The following TRPS1 variants were observed in gnomAD, a reference collection of about 807,000 sequenced individuals.
TRPS1 encodes zinc finger transcription factor Trps1.
Under a neutral mutation model 101.2 loss-of-function variants are expected in TRPS1, and 6 were observed. The ratio of observed to expected loss-of-function variants is 0.06; its 90% CI spans 0.03 to 0.12. The LOEUF (loss-of-function observed/expected upper bound fraction) is 0.12. Among genes scored for constraint, TRPS1 ranks in the 10% least tolerant of loss-of-function variants. The pLI is 1.00. For missense variants in TRPS1, 1,363 were observed against 1,567.0 expected, an observed-to-expected ratio of 0.87 and a Z score of 2.20; for synonymous variants, 578 against 589.8, an observed-to-expected ratio of 0.98 and a Z score of 0.29.
Position 115,621,785 on chromosome 8 carries a change from G to A in TRPS1, c.38-1725C>T, listed in dbSNP as rs990936852. Reference sequence around the variant, plus strand: ...ACAAAAATTAGCTGGGTGTGGTGGTGCATGCCTGTAATCCCAGCTACTAGG... The same window carrying A: ...ACAAAAATTAGCTGGGTGTGGTGGTACATGCCTGTAATCCCAGCTACTAGG... On this transcript the variant is annotated intron_variant, in intron 2 of 6. Coordinates refer to ENST00000395715, the MANE Select transcript of TRPS1 (RefSeq NM_014112.5). 1.5e-4 allele frequency among the ~76,000 whole-genome samples: 23 copies of A among 151,760 alleles called. 1 individual carries two copies. The highest frequency in any genetic ancestry group is 8.3e-4 in the South Asian group (4 of 4,798).
At chr8:115,471,323 A>G (rs1814463323) in intron 5 of TRPS1, among the ~76,000 whole-genome samples, 2 of 152,140 alleles carry the variant, frequency 1.3e-5, no homozygotes, top group Non-Finnish European at 2.9e-5. Flanking sequence ...TGATGCCAGG[A>G]AGGAGAAGTG....
At chr8:115,599,732 A>C (rs1586443862) in intron 4 of TRPS1, among the ~76,000 whole-genome samples, 3 of 152,002 alleles carry the variant, frequency 2.0e-5, no homozygotes, top group Non-Finnish European at 4.4e-5. Context: ...TCTTTATCCA[A>C]TCTATCATTG....
chr8:115,527,776 A>G (rs1473689779), intron 5 of TRPS1, among the ~76,000 whole-genome samples: 1 of 152,124 alleles, frequency 6.6e-6, no homozygotes, highest in Admixed American at 6.6e-5. Context: ...ATTAATAAAA[A>G]GAAGCCATTC....
At chr8:115,516,201 T>C (rs1255741823) in intron 5 of TRPS1, among the ~76,000 whole-genome samples, 1 of 151,408 alleles carries the variant, frequency 6.6e-6, no homozygotes, top group African/African-American at 2.4e-5. Flanking sequence ...TTTTAAAAGA[T>C]ATCTAATTAC....
chr8:115,665,364 C>T (rs1175993044), intron 1 of TRPS1, among the ~76,000 whole-genome samples: 1 of 152,150 alleles, frequency 6.6e-6, no homozygotes, highest in African/African-American at 2.4e-5. Context: ...TACACACATA[C>T]ACATATACAT....
rs1812724691 is a variant in TRPS1 at position 115,409,184 on chromosome 8, C to T, written c.*4839G>A. ...ATTATTATTAATAATATTATTAATA[C>T]ATATATTTTTCAATTTTACAGCTGA... On this transcript the variant is annotated 3_prime_UTR_variant, in exon 7 of 7. Transcript: ENST00000395715. 1.6e-5 allele frequency: 2 copies of T among 128,118 alleles called. No homozygotes were observed. Among genetic ancestry groups the T allele is most frequent in the South Asian group, 5.1e-4 (2 of 3,886 alleles). 7.9% of individuals were successfully genotyped at this position (128,118 alleles called of 1,614,324 possible). A position where few individuals can be genotyped will look rare whatever the true frequency, so the allele number is the denominator to read the frequency against.
Position 115,414,984 on chromosome 8 carries a change from T to C in TRPS1, c.2924A>G (p.Gln975Arg). ...RLNPEALQAEQLNKQQRGSNE... is the reference protein window; with the variant it reads ...RLNPEALQAERLNKQQRGSNE... ...GCTGCCCCTCTGCTGTTTGTTGAGC[T>C]GCTCAGCCTGAAGTGCCTCTGGGTT... Residue 975 changes from glutamine (Q) to arginine (R), a missense_variant, in exon 7 of 7, where the codon CAG becomes CGG. Coordinates refer to ENST00000395715, the MANE Select transcript of TRPS1 (RefSeq NM_014112.5). The surrounding 1 kb of genome is among the most constrained non-coding windows in gnomAD (Gnocchi z 4.8). The C allele has an allele frequency of 6.3e-7, 1 of 1,578,272 alleles. No homozygotes were observed. The highest frequency in any genetic ancestry group is 8.6e-7 in the Non-Finnish European group (1 of 1,166,282).
intron 1 of TRPS1, 116 bp downstream of exon 1, chr8:115,668,429 A>G (rs1177485364): frequency 7.8e-6 from 1 of 128,934 alleles, no homozygotes; most frequent in Non-Finnish European, 1.6e-5. Context: ...TTGCGCGCAC[A>G]CGAGCGGGCG....
chr8:115,442,655 T>C lies in TRPS1; in HGVS notation c.2701-24203A>G, dbSNP rs151070045. Reference sequence around the variant, plus strand: ...TAGTGCAAAATGAGAATTTAAGTTATCAACATTTAAAAATTGGGTGATTTG... The same window carrying C: ...TAGTGCAAAATGAGAATTTAAGTTACCAACATTTAAAAATTGGGTGATTTG... On this transcript the variant is annotated intron_variant, in intron 5 of 6. Coordinates refer to ENST00000395715, the MANE Select transcript of TRPS1 (RefSeq NM_014112.5). Among the ~76,000 whole-genome samples, 5 of 151,922 alleles carry C rather than the reference T, an allele frequency of 3.3e-5. No individual in the cohort carries two copies. The South Asian group carries it at 6.3e-4, about 19-fold the overall frequency.
At chr8:115,591,194 C>G (rs1160450557) in intron 4 of TRPS1, among the ~76,000 whole-genome samples, 6 of 152,084 alleles carry the variant, frequency 3.9e-5, no homozygotes, top group African/African-American at 4.8e-5. Flanking sequence ...ACAGTAAGGG[C>G]ATTACCTGTG....
chr8:115,521,701 G>C (rs1470353535), intron 5 of TRPS1, among the ~76,000 whole-genome samples: 1 of 151,810 alleles, frequency 6.6e-6, no homozygotes, highest in Non-Finnish European at 1.5e-5. Context: ...ATTTAAATGT[G>C]CTAATACTTT....
intron 5 of TRPS1, among the ~76,000 whole-genome samples, chr8:115,522,267 T>C (rs536867636): frequency 2.8e-4 from 43 of 152,030 alleles, no homozygotes; most frequent in African/African-American, 7.7e-4. Flanking sequence ...CAGTAGGAGA[T>C]TGTGTGATGG....
chr8:115,532,988 A>G (rs999495207), intron 5 of TRPS1, among the ~76,000 whole-genome samples: 1 of 152,218 alleles, frequency 6.6e-6, no homozygotes, highest in Non-Finnish European at 1.5e-5. Flanking sequence ...TTCAGCAGCT[A>G]TTGTGAGAGT....
Position 115,603,987 on chromosome 8 carries a change from GCTT to G in TRPS1, c.1979_1981del (p.Glu660del), listed in dbSNP as rs1817968835. On this transcript the variant is annotated inframe_deletion, in exon 4 of 7. Coordinates refer to ENST00000395715, the MANE Select transcript of TRPS1 (RefSeq NM_014112.5). ...CCCATCCGATCCTTGCAGGTGATTT[GCTT>G]CTTGTTTGACATCCGATGCTTGGGA... 6 of 1,613,790 alleles carry G rather than the reference GCTT, an allele frequency of 3.7e-6. No homozygotes were observed. The highest frequency in any genetic ancestry group is 5.1e-6 in the Non-Finnish European group (6 of 1,179,970).
intron 5 of TRPS1, among the ~76,000 whole-genome samples, chr8:115,518,022 C>T (rs919185284): frequency 0.014 from 3 of 212 alleles, no homozygotes; most frequent in Admixed American, 0.077. Context: ...AAACATCCAC[C>T]AGTGTAGGAC....
At chr8:115,434,206 C>T (rs1452160065) in intron 5 of TRPS1, among the ~76,000 whole-genome samples, 1 of 151,990 alleles carries the variant, frequency 6.6e-6, no homozygotes, top group East Asian at 1.9e-4. Flanking sequence ...AAATATTTTA[C>T]GTAGAATGTA....
chr8:115,522,861 T>C (rs987292135), intron 5 of TRPS1, among the ~76,000 whole-genome samples: 33 of 152,288 alleles, frequency 2.2e-4, no homozygotes, highest in African/African-American at 7.7e-4. Flanking sequence ...TTTACCACCA[T>C]AAGTTTCTAT....
chr8:115,436,382 C>T (rs949632199), intron 5 of TRPS1, among the ~76,000 whole-genome samples: 3 of 152,066 alleles, frequency 2.0e-5, no homozygotes, highest in African/African-American at 7.2e-5. Context: ...AAACAAGTCA[C>T]GTGGAAAATA....
At chr8:115,502,463 C>A (rs564795013) in intron 5 of TRPS1, among the ~76,000 whole-genome samples, 19 of 152,092 alleles carry the variant, frequency 1.2e-4, no homozygotes, top group Non-Finnish European at 2.5e-4. Flanking sequence ...AGAGAAGCTA[C>A]CAGTACAGAA....
Sources: gnomAD v4.1 joint callset for allele counts (sites outside exome capture counted in the v4.1 genomes callset) on GRCh38, gnomAD v4.1.1 for gene constraint, Gnocchi (gnomAD v3.1) non-coding constraint, MANE v1.5 for transcripts, NCBI Gene and HGNC (gene_info 2026-07-23, HGNC 2026-07-21) for gene names.